ANK3: variants seen among roughly 807,000 people sequenced by gnomAD.
ANK3 encodes the protein ankyrin-3.
Under a neutral mutation model 370.9 loss-of-function variants are expected in ANK3, and 57 were observed. The ratio of observed to expected loss-of-function variants is 0.15; its 90% confidence interval spans 0.12 to 0.19. ANK3 has a LOEUF of 0.19. ANK3 is among the 10% of genes least tolerant of loss of function. The pLI, the probability that ANK3 is intolerant of heterozygous loss-of-function variation, is 1.00. For missense variants in ANK3, 4,439 were observed against 5,302.1 expected (o/e 0.84, Z 5.06); for synonymous variants, 1,929 against 1,946.3 (o/e 0.99, Z 0.23).
At chr10:60,105,160 T>C (rs548192296) in intron 28 of ANK3, among the ~76,000 whole-genome samples, 52 of 152,300 alleles carry the variant, frequency 3.4e-4, no homozygotes, top group African/African-American at 1.2e-3. Context: ...GAATTAGCTC[T>C]GATATTTTTC....
intron 2 of ANK3, among the ~76,000 whole-genome samples, chr10:60,496,631 A>G (rs1386287820): frequency 1.3e-5 from 2 of 150,726 alleles, no homozygotes; most frequent in Non-Finnish European, 2.9e-5. Flanking sequence ...TTATGGCTCA[A>G]TTTATCCAAC....
At chr10:60,234,856 C>T in intron 7 of ANK3, 70 bp from the exon 8 acceptor site, 1 of 913,996 alleles carries the variant, frequency 1.1e-6, no homozygotes, top group Non-Finnish European at 1.8e-6. Context: ...TCTAAACTTC[C>T]CCCAACATAT....
chr10:60,441,712 C>T (rs766407379), intron 2 of ANK3, among the ~76,000 whole-genome samples: 36 of 152,260 alleles, frequency 2.4e-4, no homozygotes, highest in South Asian at 2.1e-3. Context: ...ATTCACAACA[C>T]TTCCCTCTAG....
chr10:60,070,615 A>G lies in ANK3; in HGVS notation c.10266T>C (p.Asp3422=). Residue 3422 remains aspartate (D), a synonymous_variant, in exon 37 of 44, where the codon GAT becomes GAC. Transcript: ENST00000280772. The surrounding 1 kb of genome is among the most constrained non-coding windows in gnomAD (Gnocchi z 5.7). The part of the protein sequence containing the change: ...IDSLDGYDLQ[D]EDDGLTESDS... ...CACTCTCTGTCAAGCCATCATCTTCATCTTGCAGGTCATAGCCATCCAGAG... is the reference window on the plus strand; with the variant it reads ...CACTCTCTGTCAAGCCATCATCTTCGTCTTGCAGGTCATAGCCATCCAGAG... 6.2e-7 allele frequency: 1 copy of G among 1,614,018 alleles called. No individual in the cohort carries two copies. The highest frequency in any genetic ancestry group is 8.5e-7 in the Non-Finnish European group (1 of 1,179,998).
intron 2 of ANK3, among the ~76,000 whole-genome samples, chr10:60,575,473 C>T (rs1172946261): frequency 6.6e-6 from 1 of 152,126 alleles, no homozygotes; most frequent in African/African-American, 2.4e-5. Flanking sequence ...ATTGTTTAAT[C>T]AGGTCTGACA....
intron 2 of ANK3, among the ~76,000 whole-genome samples, chr10:60,586,644 T>TTC (rs1385775997): frequency 7.9e-5 from 12 of 152,174 alleles, no homozygotes; most frequent in African/African-American, 2.9e-4. Context: ...CTACAATATA[T>TTC]TGTACAATGT....
chr10:60,641,863 A>C (rs1168603063), intron 1 of ANK3, among the ~76,000 whole-genome samples: 1 of 151,760 alleles, frequency 6.6e-6, no homozygotes, highest in East Asian at 1.9e-4. Context: ...AATGGGAGAA[A>C]ATTTTTGCAA....
chr10:60,354,247 C>T (rs1429901159), intron 1 of ANK3, among the ~76,000 whole-genome samples: 1 of 151,784 alleles, frequency 6.6e-6, no homozygotes, highest in Non-Finnish European at 1.5e-5. Context: ...TCTGAGAAAC[C>T]TTTAAGTCTG....
chr10:60,481,834 C>T (rs1375646701), intron 2 of ANK3, among the ~76,000 whole-genome samples: 1 of 152,184 alleles, frequency 6.6e-6, no homozygotes, highest in Non-Finnish European at 1.5e-5. Flanking sequence ...TCATTTGCAT[C>T]CTAGCACAGA....
intron 7 of ANK3, 98 bp downstream of exon 7, chr10:60,261,761 T>C: frequency 2.0e-6 from 2 of 1,020,326 alleles, no homozygotes; most frequent in Non-Finnish European, 3.0e-6. Context: ...CTGGAAGGAC[T>C]CTTGGAGAAA....
chr10:60,073,825 C>T lies in ANK3; in HGVS notation c.7056G>A (p.Lys2352=). 2.5e-6 allele frequency: 4 copies of T among 1,613,494 alleles called. No individual in the cohort carries two copies. Among genetic ancestry groups the T allele is most frequent in the Non-Finnish European group, 3.4e-6 (4 of 1,179,954 alleles). Residue 2352 remains lysine (K), a synonymous_variant, in exon 37 of 44, where the codon AAG becomes AAA. Coordinates refer to ENST00000280772, the MANE Select transcript of ANK3 (RefSeq NM_020987.5). ...ATACATACATTTCTTTTTCTGGATGCTTTTTGGTTTCTCTAATAATGACTT... is the reference window on the plus strand; with the variant it reads ...ATACATACATTTCTTTTTCTGGATGTTTTTTGGTTTCTCTAATAATGACTT... ...PTEVIIRETK[K]HPEKEMYVYQ...
chr10:60,461,435 G>T (rs2064881446), intron 2 of ANK3, among the ~76,000 whole-genome samples: 1 of 152,100 alleles, frequency 6.6e-6, no homozygotes, highest in Non-Finnish European at 1.5e-5. Flanking sequence ...ACATTTGTTG[G>T]TAATGGATAG....
chr10:60,659,458 A>T (rs1162444416), intron 1 of ANK3, among the ~76,000 whole-genome samples: 1 of 151,968 alleles, frequency 6.6e-6, no homozygotes, highest in Non-Finnish European at 1.5e-5. Context: ...TTATTACTTT[A>T]TTCTATTTTT....
chr10:60,384,566 T>C (rs1187003390), intron 1 of ANK3, among the ~76,000 whole-genome samples: 1 of 152,236 alleles, frequency 6.6e-6, no homozygotes, highest in Non-Finnish European at 1.5e-5. Flanking sequence ...ATCTTAGCTC[T>C]ACCACTGTCT....
intron 1 of ANK3, among the ~76,000 whole-genome samples, chr10:60,630,868 A>T (rs2078473509): frequency 6.6e-6 from 1 of 152,134 alleles, no homozygotes; most frequent in Non-Finnish European, 1.5e-5. Context: ...GCACAGAGGG[A>T]CCAGAAAGGA....
chr10:60,489,406 AGTTT>A (rs2075434680), intron 2 of ANK3, among the ~76,000 whole-genome samples: 3 of 152,214 alleles, frequency 2.0e-5, no homozygotes, highest in South Asian at 4.1e-4. Flanking sequence ...TATTATGAGT[AGTTT>A]GTTTTACAAA....
In ANK3 at chr10:60,074,720, T is replaced by A; in HGVS notation, c.6161A>T (p.Glu2054Val). Reference protein sequence around the residue: ...SSLTNLKYKFEDAKKDGEERQ... With the variant: ...SSLTNLKYKFVDAKKDGEERQ... ...CTCCTCACCATCCTTCTTTGCATCC[T>A]CAAACTTGTATTTTAAGTTTGTCAG... The change falls in exon 37 of 44, where the codon GAG (glutamate) becomes GTG (valine). Residue 2054 changes from glutamate to valine, a missense_variant. By Grantham distance (121) the Glu-to-Val change is moderately radical. Around this residue, in one of 13 missense-constraint regions of ANK3, gnomAD observed 679 missense variants for 791.0 expected, o/e 0.86. Transcript: ENST00000280772. 6.2e-7 allele frequency: 1 copy of A among 1,613,710 alleles called. No individual in the cohort carries two copies. Among genetic ancestry groups the A allele is most frequent in the Non-Finnish European group, 8.5e-7 (1 of 1,179,946 alleles).
intron 2 of ANK3, among the ~76,000 whole-genome samples, chr10:60,511,090 T>G (rs1458061086): frequency 6.6e-6 from 1 of 152,170 alleles, no homozygotes; most frequent in African/African-American, 2.4e-5. Context: ...ATTTTAGATC[T>G]GTGTACCCCA....
intron 2 of ANK3, among the ~76,000 whole-genome samples, chr10:60,554,756 G>C (rs910998862): frequency 6.6e-6 from 1 of 152,006 alleles, no homozygotes; most frequent in Non-Finnish European, 1.5e-5. Flanking sequence ...TTAATTTCCT[G>C]ATAAAATCAA....
Sources: gnomAD v4.1 joint callset for allele counts (sites outside exome capture counted in the v4.1 genomes callset) on GRCh38, gnomAD v4.1.1 for gene constraint, gnomAD v4.1.1 regional missense constraint, Gnocchi (gnomAD v3.1) non-coding constraint, MANE v1.5 for transcripts, NCBI Gene and HGNC (gene_info 2026-07-23, HGNC 2026-07-21) for gene names.